Variants in SCAND3 observed in about 807,000 individuals in gnomAD.
SCAND3 encodes the protein SCAN domain containing 3.
chr6:28,573,918 T>A, the SCAND3 span: 1 of 1,345,284 alleles, frequency 7.4e-7, no homozygotes, highest in Non-Finnish European at 9.6e-7. Flanking sequence ...TAGATTTGAT[T>A]AAAATAAAAA....
the SCAND3 span, among the ~76,000 whole-genome samples, chr6:28,594,828 A>T: frequency 1.3e-5 from 2 of 152,118 alleles, no homozygotes; most frequent in Non-Finnish European, 2.9e-5. Context: ...TCTAAAAAAA[A>T]AGTTGAACTC....
the SCAND3 span, among the ~76,000 whole-genome samples, chr6:28,595,195 CAAAAAAAAAAAAAAAA>C: frequency 6.2e-5 from 1 of 16,104 alleles, no homozygotes; most frequent in African/African-American, 1.9e-4. Context: ...CCGTCACTAC[CAAAAAAAAAAAAAAAA>C]AAAAAAAAAA....
the SCAND3 span, among the ~76,000 whole-genome samples, chr6:28,610,633 A>T: frequency 6.6e-6 from 1 of 152,208 alleles, no homozygotes. Context: ...TTATACTTTG[A>T]TGTGTCCTTC....
the SCAND3 span, chr6:28,589,476 C>CTGGCT: frequency 6.6e-6 from 1 of 152,156 alleles, no homozygotes; most frequent in Non-Finnish European, 1.5e-5. Flanking sequence ...TTTACAGTTC[C>CTGGCT]TGGCTTGGCC....
At chr6:28,578,338 C>A in the SCAND3 span, among the ~76,000 whole-genome samples, 1 of 152,106 alleles carries the variant, frequency 6.6e-6, no homozygotes, top group Admixed American at 6.6e-5. Flanking sequence ...TTAGCACTAT[C>A]GCAGTTTTTT....
At chr6:28,571,933 T>C in the SCAND3 span, 4 of 1,613,378 alleles carry the variant, frequency 2.5e-6, no homozygotes, top group Admixed American at 3.3e-5. Flanking sequence ...GTGAGCTTGC[T>C]TCTTGCTTGT....
the SCAND3 span, among the ~76,000 whole-genome samples, chr6:28,607,129 G>C: frequency 2.6e-5 from 4 of 152,186 alleles, no homozygotes; most frequent in Non-Finnish European, 5.9e-5. Flanking sequence ...AATCATGAAA[G>C]AAATGCAAAG....
At chr6:28,573,512 C>A in the SCAND3 span, 3 of 1,613,708 alleles carry the variant, frequency 1.9e-6, no homozygotes, top group Non-Finnish European at 2.5e-6. Flanking sequence ...TCAAAGAATT[C>A]TTTTGGTTGT....
At chr6:28,575,367 A>T in the SCAND3 span, 1 of 1,614,072 alleles carries the variant, frequency 6.2e-7, no homozygotes, top group Non-Finnish European at 8.5e-7. The surrounding 1 kb of genome is among the most constrained non-coding windows in gnomAD (Gnocchi z 4.2). Context: ...GTTCACTGAC[A>T]ACCTGGCTTG....
At chr6:28,573,428 G>A in the SCAND3 span, 25 of 1,614,082 alleles carry the variant, frequency 1.5e-5, no homozygotes, top group African/African-American at 4.0e-5. Context: ...TATGAAGCCC[G>A]CAAAGCACTA....
At chr6:28,583,477 T>G in the SCAND3 span, among the ~76,000 whole-genome samples, 1 of 152,218 alleles carries the variant, frequency 6.6e-6, no homozygotes, top group African/African-American at 2.4e-5. Flanking sequence ...ACATTTGATG[T>G]TATATTCTTC....
At chr6:28,609,120 T>C in the SCAND3 span, among the ~76,000 whole-genome samples, 1 of 152,246 alleles carries the variant, frequency 6.6e-6, no homozygotes, top group Non-Finnish European at 1.5e-5. Context: ...ATATTCATTA[T>C]CTTCACTACT....
chr6:28,607,340 C>G, the SCAND3 span, among the ~76,000 whole-genome samples: 1 of 152,124 alleles, frequency 6.6e-6, no homozygotes, highest in Non-Finnish European at 1.5e-5. Context: ...CTTGTCTGTA[C>G]AGCCTTTGCA....
At chr6:28,574,494 G>T in the SCAND3 span, 2 of 689,032 alleles carry the variant, frequency 2.9e-6, no homozygotes, top group Non-Finnish European at 4.9e-6. Context: ...TTGAGAAGAA[G>T]CATTAAAAGT....
At chr6:28,606,839 T>C in the SCAND3 span, among the ~76,000 whole-genome samples, 1 of 152,210 alleles carries the variant, frequency 6.6e-6, no homozygotes, top group African/African-American at 2.4e-5. Context: ...GACGCCCCCC[T>C]ACAGTTTCCC....
At chr6:28,586,766 G>A in the SCAND3 span, 1 of 1,518,640 alleles carries the variant, frequency 6.6e-7, no homozygotes, top group East Asian at 2.3e-5. This position sits in a 1 kb window ranked among gnomAD's most constrained non-coding sequence, Gnocchi z 4.4. Flanking sequence ...TGGGGTCTAG[G>A]CAAATGGGTG....
At chr6:28,605,677 A>AC in the SCAND3 span, among the ~76,000 whole-genome samples, 1 of 89,582 alleles carries the variant, frequency 1.1e-5, no homozygotes, top group Non-Finnish European at 2.6e-5. Flanking sequence ...ACTAAAAAAT[A>AC]CAAAAAAAAA....
the SCAND3 span, chr6:28,589,418 C>T: frequency 1.3e-5 from 2 of 152,044 alleles, no homozygotes; most frequent in South Asian, 2.1e-4. Flanking sequence ...GACTTTGAAT[C>T]CAGCAATCCG....
At chr6:28,572,657 G>A in the SCAND3 span, 2 of 1,613,974 alleles carry the variant, frequency 1.2e-6, no homozygotes, top group Admixed American at 3.3e-5. The surrounding 1 kb of genome is among the most constrained non-coding windows in gnomAD (Gnocchi z 4.1). Flanking sequence ...AACACTAAGA[G>A]TTCATTTCGT....
Sources: gnomAD v4.1 joint callset for allele counts (sites outside exome capture counted in the v4.1 genomes callset) on GRCh38, gnomAD v4.1.1 for gene constraint, Gnocchi (gnomAD v3.1) non-coding constraint, MANE v1.5 for transcripts, NCBI Gene and HGNC (gene_info 2026-07-23, HGNC 2026-07-21) for gene names.